The following MID1 variants were observed in gnomAD, a reference collection of about 807,000 sequenced individuals.
MID1 encodes E3 ubiquitin-protein ligase Midline-1.
A neutral mutation model predicts 40.4 loss-of-function variants in MID1; 7 were observed. The observed-to-expected ratio is 0.17, with a 90% confidence interval of 0.10 to 0.33. The LOEUF (loss-of-function observed/expected upper bound fraction) is 0.33. MID1 is among the 10% of genes least tolerant of loss of function. The probability of loss-of-function intolerance (pLI) is 1.00; values close to 1 mark genes in which losing one functional copy is unlikely to be tolerated. For synonymous variants in MID1, 229 were observed against 221.2 expected, an observed-to-expected ratio of 1.04 and a Z score of -0.31; for missense variants, 367 against 558.5, an observed-to-expected ratio of 0.66 and a Z score of 3.46.
At chrX:10,651,897 G>A (rs1225281627) in intron 1 of MID1, among the ~76,000 whole-genome samples, 7 of 111,475 alleles carry the variant, frequency 6.3e-5, no homozygotes, top group African/African-American at 9.8e-5. Flanking sequence ...CAATGTGCTC[G>A]GATTACAGGT....
At chrX:10,829,831 T>C (rs1430435789) in intron 1 of MID1, among the ~76,000 whole-genome samples, 4 of 111,822 alleles carry the variant, frequency 3.6e-5, no homozygotes, top group African/African-American at 1.3e-4. Context: ...ACCTTAGAAG[T>C]AATGGCAGCT....
At chrX:10,660,386 G>A (rs1350050352) in intron 1 of MID1, among the ~76,000 whole-genome samples, 1 of 112,422 alleles carries the variant, frequency 8.9e-6, no homozygotes, top group African/African-American at 3.2e-5. Context: ...GCCCACAGCA[G>A]CCCCTGCTCA....
intron 3 of MID1, among the ~76,000 whole-genome samples, chrX:10,516,587 TGTGTGTGTGTGTGTGTGTGTGTGCGCGC>T (rs1306013598): frequency 3.5e-3 from 299 of 84,879 alleles, no homozygotes; most frequent in African/African-American, 0.018. Context: ...TGTGTGTGTG[TGTGTGTGTGTGTGTGTGTGTGTGCGCGC>T]GCGCACGCGT....
intron 1 of MID1, among the ~76,000 whole-genome samples, chrX:10,678,497 A>C (rs2043037675): frequency 8.9e-6 from 1 of 112,414 alleles, no homozygotes; most frequent in Non-Finnish European, 1.9e-5. Context: ...GAGAGTAAAA[A>C]ATCTAGAAGA....
Position 10,565,349 on chromosome X carries a change from C to T in MID1, c.660+1539G>A, listed in dbSNP as rs140939503. The T allele has an allele frequency of 2.7e-5, 9 of 328,137 alleles. No individual in the cohort carries two copies. In the East Asian group the frequency reaches 5.9e-4, roughly 21 times the overall value. 27.0% of individuals were successfully genotyped at this position (328,137 alleles called of 1,213,427 possible). The stretch of plus-strand genomic sequence containing the variant: ...GAAGCAGGAATTGACTTCAGCATGT[C>T]GGCTTCCCTCAACATGTCAAGAAAT... On this transcript the variant is annotated intron_variant, in intron 2 of 9. Coordinates refer to ENST00000317552, the MANE Select transcript of MID1 (RefSeq NM_000381.4).
chrX:10,565,462 G>C (rs981188589), intron 2 of MID1: 1 of 331,326 alleles, frequency 3.0e-6, no homozygotes. Flanking sequence ...ACCCATTAGC[G>C]CTAAGGAGAG....
intron 1 of MID1, among the ~76,000 whole-genome samples, chrX:10,585,013 T>G (rs1188388522): frequency 2.7e-5 from 3 of 110,873 alleles, no homozygotes; most frequent in Non-Finnish European, 5.7e-5. Flanking sequence ...AGGGGCTTCA[T>G]GCACCGGTGG....
At chrX:10,513,063 T>C (rs1434082167) in intron 3 of MID1, among the ~76,000 whole-genome samples, 6 of 112,532 alleles carry the variant, frequency 5.3e-5, no homozygotes, top group Non-Finnish European at 1.1e-4. Context: ...TATTTTGCTG[T>C]GGAATTTCAA....
intron 2 of MID1, among the ~76,000 whole-genome samples, chrX:10,555,813 A>G (rs1414693625): frequency 9.0e-6 from 1 of 110,936 alleles, no homozygotes; most frequent in Non-Finnish European, 1.9e-5. Context: ...AAATAGCAAA[A>G]GAGATATAAG....
chrX:10,473,139 A>G (rs1440947531), intron 6 of MID1, among the ~76,000 whole-genome samples: 1 of 112,766 alleles, frequency 8.9e-6, no homozygotes, highest in East Asian at 2.8e-4. Context: ...GTAAAAATTC[A>G]CTAGCCACAT....
intron 1 of MID1, among the ~76,000 whole-genome samples, chrX:10,816,417 A>G (rs1261754617): frequency 8.9e-6 from 1 of 112,393 alleles, no homozygotes; most frequent in African/African-American, 3.2e-5. Flanking sequence ...CCTCGGAGGC[A>G]GGAAACGTGT....
intron 1 of MID1, among the ~76,000 whole-genome samples, chrX:10,771,984 C>A (rs1445167211): frequency 9.0e-6 from 1 of 110,515 alleles, no homozygotes; most frequent in African/African-American, 3.3e-5. Context: ...TCCAGCAATC[C>A]CACTGCTGGG....
intron 2 of MID1, among the ~76,000 whole-genome samples, chrX:10,559,069 C>T (rs1200779778): frequency 8.9e-6 from 1 of 112,141 alleles, no homozygotes; most frequent in Non-Finnish European, 1.9e-5. Context: ...GAGATGCTTT[C>T]TTTTATTCCA....
At chrX:10,552,037 G>A (rs1417778926) in intron 2 of MID1, among the ~76,000 whole-genome samples, 4 of 110,621 alleles carry the variant, frequency 3.6e-5, no homozygotes, top group Non-Finnish European at 7.6e-5. Flanking sequence ...CGATTCTCCT[G>A]CCTCAGCCTC....
chrX:10,532,398 C>T (rs893546368), intron 2 of MID1, among the ~76,000 whole-genome samples: 4 of 111,543 alleles, frequency 3.6e-5, no homozygotes, highest in Non-Finnish European at 7.5e-5. Flanking sequence ...TTGTAGACTA[C>T]AGCTGGTACA....
chrX:10,713,769 C>G (rs898126343), intron 1 of MID1, among the ~76,000 whole-genome samples: 1 of 111,704 alleles, frequency 9.0e-6, no homozygotes, highest in African/African-American at 3.3e-5. Context: ...GAGTTCAAGC[C>G]CACTAGTTGA....
chrX:10,465,258 CACAT>C (rs1323651771), intron 7 of MID1, among the ~76,000 whole-genome samples: 8 of 96,471 alleles, frequency 8.3e-5, no homozygotes, highest in East Asian at 6.3e-4. Context: ...CACACACACA[CACAT>C]ACATATATGA....
At chrX:10,545,542 C>T (rs1466874228) in intron 2 of MID1, among the ~76,000 whole-genome samples, 2 of 111,813 alleles carry the variant, frequency 1.8e-5, no homozygotes, top group African/African-American at 6.5e-5. Context: ...AAACATTGTT[C>T]TTCACCCTTT....
intron 1 of MID1, among the ~76,000 whole-genome samples, chrX:10,715,984 C>G (rs142064542): frequency 0.01 from 1,172 of 112,009 alleles, 22 homozygotes; most frequent in African/African-American, 0.037. Context: ...AGCTGAGGGT[C>G]CTGTCTGTTA....
Sources: gnomAD v4.1 joint callset for allele counts (sites outside exome capture counted in the v4.1 genomes callset) on GRCh38, gnomAD v4.1.1 for gene constraint, MANE v1.5 for transcripts, NCBI Gene and HGNC (gene_info 2026-07-23, HGNC 2026-07-21) for gene names.